CABCOCO1: variants seen among roughly 807,000 people sequenced by gnomAD.
The protein encoded by CABCOCO1 is ciliary-associated calcium-binding coiled-coil protein 1.
A neutral mutation model predicts 35.7 loss-of-function variants in CABCOCO1; 28 were observed. The observed-to-expected ratio is 0.78, with a 90% CI of 0.58 to 1.07. The LOEUF (loss-of-function observed/expected upper bound fraction) is 1.07, where lower values mean the gene tolerates loss of function less well. CABCOCO1 is among the 50% of genes least tolerant of loss of function. The pLI is 0.00. For missense variants in CABCOCO1, 326 were observed against 309.2 expected, an observed-to-expected ratio of 1.05 and a Z score of -0.41; for synonymous variants, 95 against 100.1, an observed-to-expected ratio of 0.95 and a Z score of 0.30.
At chr10:61,680,608 C>CATATGTTATACATGTATAACAT (rs199950014) in intron 2 of CABCOCO1, among the ~76,000 whole-genome samples, 4 of 80,222 alleles carry the variant, frequency 5.0e-5, no homozygotes, top group Non-Finnish European at 6.4e-5. Flanking sequence ...ACATGTATAA[C>CATATGTTATACATGTATAACAT]ATGTTATACA....
chr10:61,701,966 C>A, intron 5 of CABCOCO1: 1 of 255,172 alleles, frequency 3.9e-6, no homozygotes, highest in Non-Finnish European at 6.1e-6. Context: ...TAAATAAATG[C>A]AATCACTTTC....
chr10:61,733,231 C>T (rs1841344594), intron 5 of CABCOCO1, among the ~76,000 whole-genome samples: 1 of 151,872 alleles, frequency 6.6e-6, no homozygotes, highest in Non-Finnish European at 1.5e-5. Context: ...TATTTTAAAG[C>T]ATTATATAAT....
intron 5 of CABCOCO1, among the ~76,000 whole-genome samples, chr10:61,700,997 A>T (rs1432483992): frequency 1.3e-5 from 2 of 151,868 alleles, no homozygotes; most frequent in East Asian, 3.9e-4. Flanking sequence ...AGAGAGAGAG[A>T]ACGGGTCCTG....
At chr10:61,671,753 C>A (rs915817853) in intron 1 of CABCOCO1, among the ~76,000 whole-genome samples, 54 of 152,262 alleles carry the variant, frequency 3.5e-4, no homozygotes, top group African/African-American at 1.1e-3. Flanking sequence ...CTTTCCTTCA[C>A]CCTCCAGTAG....
intron 7 of CABCOCO1, among the ~76,000 whole-genome samples, chr10:61,763,136 AT>A (rs371753076): frequency 7.9e-5 from 12 of 152,062 alleles, no homozygotes; most frequent in African/African-American, 2.7e-4. Context: ...TTTCTCACAG[AT>A]TTTTTTCTCC....
chr10:61,690,749 G>A (rs576439083), intron 5 of CABCOCO1, 128 bp downstream of exon 5: 38 of 557,386 alleles, frequency 6.8e-5, no homozygotes, highest in East Asian at 1.8e-4. Flanking sequence ...TAATCAACTC[G>A]TAGTTTGCAA....
At chr10:61,727,118 C>T (rs1237434716) in intron 5 of CABCOCO1, among the ~76,000 whole-genome samples, 1 of 152,034 alleles carries the variant, frequency 6.6e-6, no homozygotes, top group Non-Finnish European at 1.5e-5. Flanking sequence ...AGAGCTATCA[C>T]CTTCTATTAG....
chr10:61,726,351 AC>A (rs1439577460), intron 5 of CABCOCO1, among the ~76,000 whole-genome samples: 1 of 152,136 alleles, frequency 6.6e-6, no homozygotes. Flanking sequence ...TATTGACATA[AC>A]AAAATTACAA....
At chr10:61,712,615 T>C (rs1781327556) in intron 5 of CABCOCO1, among the ~76,000 whole-genome samples, 1 of 152,218 alleles carries the variant, frequency 6.6e-6, no homozygotes, top group South Asian at 2.1e-4. Flanking sequence ...CTAGGTTTTG[T>C]TCTAGGGTTT....
intron 2 of CABCOCO1, among the ~76,000 whole-genome samples, chr10:61,678,277 A>C (rs951940548): frequency 6.6e-6 from 1 of 152,158 alleles, no homozygotes; most frequent in Non-Finnish European, 1.5e-5. Context: ...ACAAGTTTTC[A>C]TTATTGTGGC....
chr10:61,690,259 A>G (rs566903177), intron 4 of CABCOCO1, among the ~76,000 whole-genome samples: 10 of 152,270 alleles, frequency 6.6e-5, no homozygotes, highest in Non-Finnish European at 1.2e-4. Context: ...AAAAGTCAAG[A>G]TGCCATCTAA....
At chr10:61,734,735 G>C (rs979585871) in intron 5 of CABCOCO1, among the ~76,000 whole-genome samples, 2 of 152,084 alleles carry the variant, frequency 1.3e-5, no homozygotes, top group Admixed American at 6.6e-5. Context: ...AAAGAAGTAA[G>C]TGGAGCGCTC....
At chr10:61,689,555 T>C (rs1232537012) in intron 4 of CABCOCO1, among the ~76,000 whole-genome samples, 1 of 152,178 alleles carries the variant, frequency 6.6e-6, no homozygotes, top group African/African-American at 2.4e-5. Context: ...TTCAAATGAA[T>C]TGAAACTTTG....
intron 5 of CABCOCO1, among the ~76,000 whole-genome samples, chr10:61,706,676 A>G (rs7908223): frequency 0.56 from 85,472 of 151,824 alleles, 26,487 homozygotes; most frequent in Middle Eastern, 0.76. Flanking sequence ...TGCTAATGTT[A>G]TGGAACCCAT....
chr10:61,697,430 T>C (rs2132007680), intron 5 of CABCOCO1, among the ~76,000 whole-genome samples: 1 of 152,174 alleles, frequency 6.6e-6, no homozygotes, highest in East Asian at 1.9e-4. Context: ...ATTTAAAAAG[T>C]GTAGAAGTAG....
chr10:61,685,485 T>A (rs1839928689), intron 3 of CABCOCO1: 1 of 152,158 alleles, frequency 6.6e-6, no homozygotes, highest in African/African-American at 2.4e-5. Context: ...TTTTTTTCTT[T>A]TTTTTCATCC....
intron 2 of CABCOCO1, among the ~76,000 whole-genome samples, chr10:61,673,464 G>C (rs1160620452): frequency 6.6e-6 from 1 of 152,144 alleles, no homozygotes; most frequent in Non-Finnish European, 1.5e-5. Flanking sequence ...CTAGCATCTT[G>C]GTGTCAGTTC....
chr10:61,760,388 C>T (rs1841985041), intron 6 of CABCOCO1, among the ~76,000 whole-genome samples: 1 of 152,038 alleles, frequency 6.6e-6, no homozygotes, highest in Non-Finnish European at 1.5e-5. Flanking sequence ...CCTTCCTAAT[C>T]TCCACCTTCA....
chr10:61,760,028 T>TG, intron 5 of CABCOCO1, 31 bp from the exon 6 acceptor site: 1 of 1,611,448 alleles, frequency 6.2e-7, no homozygotes, highest in African/African-American at 1.3e-5. Flanking sequence ...CCAAAGGCTC[T>TG]GTCATAATTC....
Sources: allele counts gnomAD v4.1 joint callset (sites outside exome capture counted in the v4.1 genomes callset), GRCh38; gene constraint gnomAD v4.1.1; transcripts MANE v1.5; gene names NCBI Gene and HGNC (gene_info 2026-07-23, HGNC 2026-07-21).